Variants in SLC39A11 observed in about 807,000 individuals in gnomAD.
SLC39A11 encodes the protein solute carrier family 39 member 11.
Under a neutral mutation model 36.1 loss-of-function variants are expected in SLC39A11, and 33 were observed. The ratio of observed to expected loss-of-function variants is 0.91; its 90% CI spans 0.69 to 1.22. SLC39A11 has a LOEUF of 1.22. Ranked by LOEUF, SLC39A11 falls within the 50% of genes most tolerant of loss-of-function variation. SLC39A11 has a pLI of 0.00. For synonymous variants in SLC39A11, 166 were observed against 170.3 expected (o/e 0.97, Z 0.20); for missense variants, 432 against 430.3 (o/e 1.00, Z -0.03).
chr17:73,084,610 C>T (rs189618992), intron 3 of SLC39A11, among the ~76,000 whole-genome samples, 198 bp downstream of exon 3: 70 of 152,128 alleles, frequency 4.6e-4, no homozygotes, highest in African/African-American at 1.6e-3. Flanking sequence ...AAATAAACCT[C>T]GATTGCTGTC....
intron 5 of SLC39A11, among the ~76,000 whole-genome samples, chr17:72,850,071 A>G (rs2079234612): frequency 1.3e-5 from 2 of 152,052 alleles, no homozygotes; most frequent in Non-Finnish European, 1.5e-5. Context: ...CCACGTCACA[A>G]TTGCCCATTC....
intron 3 of SLC39A11, among the ~76,000 whole-genome samples, chr17:73,042,366 C>A: frequency 6.6e-6 from 1 of 152,196 alleles, no homozygotes; most frequent in South Asian, 2.1e-4. Flanking sequence ...TTCAAAAGAA[C>A]AGCACCCAAC....
At chr17:72,777,576 G>A (rs919237204) in intron 6 of SLC39A11, among the ~76,000 whole-genome samples, 12 of 149,526 alleles carry the variant, frequency 8.0e-5, no homozygotes, top group African/African-American at 3.0e-4. Context: ...TGGGAACGAT[G>A]CATCTACAAG....
intron 7 of SLC39A11, among the ~76,000 whole-genome samples, chr17:72,665,495 A>G (rs926244585): frequency 3.4e-5 from 5 of 145,412 alleles, no homozygotes; most frequent in African/African-American, 1.3e-4. Context: ...GGTTAAAGCT[A>G]TCCTCCCATC....
intron 6 of SLC39A11, among the ~76,000 whole-genome samples, chr17:72,785,796 G>T (rs2076493240): frequency 1.3e-5 from 2 of 152,304 alleles, no homozygotes; most frequent in Admixed American, 1.3e-4. Context: ...AGAGCTTGAA[G>T]AGTAAGTTAA....
intron 5 of SLC39A11, among the ~76,000 whole-genome samples, chr17:72,869,216 G>A (rs1004147982): frequency 2.6e-5 from 4 of 152,198 alleles, no homozygotes; most frequent in Admixed American, 2.0e-4. Flanking sequence ...AAGAAGCCCA[G>A]AGAACATCTG....
At chr17:72,685,613 T>A (rs1332837585) in intron 7 of SLC39A11, among the ~76,000 whole-genome samples, 3 of 152,206 alleles carry the variant, frequency 2.0e-5, no homozygotes, top group Non-Finnish European at 4.4e-5. Flanking sequence ...CAGGTCCCCC[T>A]CATACTTTTT....
At chr17:73,054,880 AT>A (rs1450821125) in intron 3 of SLC39A11, among the ~76,000 whole-genome samples, 2 of 152,224 alleles carry the variant, frequency 1.3e-5, no homozygotes, top group South Asian at 4.2e-4. Flanking sequence ...GGGCTTATCA[AT>A]CCCATCGTGG....
intron 7 of SLC39A11, among the ~76,000 whole-genome samples, chr17:72,700,500 G>T (rs2072556894): frequency 6.6e-6 from 1 of 152,216 alleles, no homozygotes; most frequent in Non-Finnish European, 1.5e-5. Context: ...GGCGGGGCTG[G>T]GGACTGCCAG....
chr17:72,893,587 T>C (rs574346669), intron 5 of SLC39A11, among the ~76,000 whole-genome samples: 41 of 152,294 alleles, frequency 2.7e-4, no homozygotes, highest in Admixed American at 5.9e-4. Context: ...AGAATCCTCA[T>C]TGGAAAACCA....
chr17:73,003,679 A>C (rs2089959744), intron 4 of SLC39A11, among the ~76,000 whole-genome samples: 1 of 152,192 alleles, frequency 6.6e-6, no homozygotes, highest in Non-Finnish European at 1.5e-5. Context: ...GCCAGGGGTG[A>C]GGTGGCCACA....
intron 3 of SLC39A11, among the ~76,000 whole-genome samples, chr17:73,055,387 G>A (rs985187814): frequency 1.3e-5 from 2 of 151,984 alleles, no homozygotes; most frequent in African/African-American, 4.8e-5. Flanking sequence ...CTGCAACCTG[G>A]CCTGGGACAT....
At chr17:72,651,081 A>C (rs2143859465) in intron 7 of SLC39A11, among the ~76,000 whole-genome samples, 1 of 152,180 alleles carries the variant, frequency 6.6e-6, no homozygotes. Flanking sequence ...AGTAGCCCCC[A>C]CCTCGAGTCT....
intron 7 of SLC39A11, among the ~76,000 whole-genome samples, chr17:72,681,221 C>T (rs2071496195): frequency 6.6e-6 from 1 of 152,242 alleles, no homozygotes; most frequent in South Asian, 2.1e-4. Flanking sequence ...GCCACAGCAC[C>T]CGGTCTACAT....
At chr17:73,030,102 G>A (rs949049160) in intron 4 of SLC39A11, among the ~76,000 whole-genome samples, 1 of 152,212 alleles carries the variant, frequency 6.6e-6, no homozygotes, top group African/African-American at 2.4e-5. Context: ...TGCGCAGCTC[G>A]CAGCAGGGTT....
At chr17:73,016,154 G>A (rs2058157581) in intron 4 of SLC39A11, among the ~76,000 whole-genome samples, 1 of 152,032 alleles carries the variant, frequency 6.6e-6, no homozygotes, top group Non-Finnish European at 1.5e-5. Context: ...TACTAGATAT[G>A]ACAATATGTC....
chr17:72,983,871 T>G (rs990303359), intron 4 of SLC39A11, among the ~76,000 whole-genome samples: 1 of 152,192 alleles, frequency 6.6e-6, no homozygotes, highest in East Asian at 1.9e-4. Context: ...CCCTGGGATC[T>G]GCCCTCACCA....
In SLC39A11 at chr17:72,758,183, G is replaced by A. The variant is rs2075434189; in HGVS notation, c.602-21464C>T. On this transcript the variant is annotated intron_variant, in intron 6 of 9. Transcript: ENST00000255559. The stretch of plus-strand genomic sequence containing the variant: ...TTATAAATGTGAGCCACTGCTCCCA[G>A]TCTTTAGTTAGTATTTATTGAATAA... 2.6e-5 allele frequency among the ~76,000 whole-genome samples: 4 copies of A among 152,200 alleles called. No individual in the cohort carries two copies. The South Asian group carries it at 8.3e-4, about 32-fold the overall frequency.
chr17:72,988,993 TTGAGG>T (rs2088968330), intron 4 of SLC39A11, among the ~76,000 whole-genome samples: 4 of 152,166 alleles, frequency 2.6e-5, no homozygotes, highest in African/African-American at 4.8e-5. Flanking sequence ...GGCACATCAC[TTGAGG>T]TCAGGAGTTC....
Sources: allele counts gnomAD v4.1 joint callset (sites outside exome capture counted in the v4.1 genomes callset), GRCh38; gene constraint gnomAD v4.1.1; transcripts MANE v1.5; gene names NCBI Gene and HGNC (gene_info 2026-07-23, HGNC 2026-07-21).